The following IMMP2L variants were observed in gnomAD, a reference collection of about 807,000 sequenced individuals.
IMMP2L encodes inner mitochondrial membrane peptidase subunit 2.
Under a neutral mutation model 19.3 loss-of-function variants are expected in IMMP2L, and 18 were observed. That is an observed-to-expected ratio of 0.93 (90% CI 0.64 to 1.38). IMMP2L has a LOEUF of 1.38. Ranked by LOEUF, IMMP2L falls within the 40% of genes most tolerant of loss-of-function variation. IMMP2L has a pLI of 0.00. For synonymous variants in IMMP2L, 76 were observed against 73.0 expected (o/e 1.04, Z -0.21); for missense variants, 233 against 218.2 (o/e 1.07, Z -0.43).
intron 5 of IMMP2L, among the ~76,000 whole-genome samples, chr7:110,733,450 A>T (rs964032457): frequency 6.7e-6 from 1 of 150,240 alleles, no homozygotes; most frequent in East Asian, 1.9e-4. Context: ...AAGAGAGCCA[A>T]GGAGTGTTTT....
At chr7:110,842,920 C>T (rs1235001271) in intron 5 of IMMP2L, among the ~76,000 whole-genome samples, 2 of 152,022 alleles carry the variant, frequency 1.3e-5, no homozygotes, top group East Asian at 3.9e-4. Flanking sequence ...GCAGAGCAGG[C>T]TACCCGAATG....
At chr7:111,338,609 A>G (rs1156748160) in intron 3 of IMMP2L, among the ~76,000 whole-genome samples, 2 of 152,150 alleles carry the variant, frequency 1.3e-5, no homozygotes, top group East Asian at 1.9e-4. Context: ...AAAAGCACAC[A>G]TGAAGGAAAT....
rs1648298950 is a variant in IMMP2L at position 111,539,240 on chromosome 7, A to AAG, written c.-2-17793_-2-17792dup. Among the ~76,000 whole-genome samples the AAG allele has an allele frequency of 1.6e-5, 2 of 128,446 alleles. 1 individual carries two copies. Among genetic ancestry groups the AAG allele is most frequent in the African/African-American group, 6.1e-5 (2 of 32,832 alleles). The allele number at this position is 128,446 out of a possible 152,430, so 84.3% of individuals were successfully genotyped here. On this transcript the variant is annotated intron_variant, in intron 1 of 5. Transcript: ENST00000405709. Reference sequence around the variant, plus strand: ...AAAGAAAGAAAGAAAGAAAGAAAGAAAGAAAGAAAGAAAGAAAGAAAGAAA... The same window carrying AAG: ...AAAGAAAGAAAGAAAGAAAGAAAGAAAGAGAAAGAAAGAAAGAAAGAAAGAAA...
At chr7:110,881,907 A>C (rs1467170637) in intron 5 of IMMP2L, among the ~76,000 whole-genome samples, 1 of 152,052 alleles carries the variant, frequency 6.6e-6, no homozygotes, top group African/African-American at 2.4e-5. Context: ...ATTTCAGAAC[A>C]CTCTGTTCTA....
intron 3 of IMMP2L, among the ~76,000 whole-genome samples, chr7:111,198,231 T>C (rs1359221784): frequency 6.6e-6 from 1 of 152,200 alleles, no homozygotes; most frequent in Non-Finnish European, 1.5e-5. Flanking sequence ...ATAAACTGGC[T>C]GAAGTTTTGA....
rs146786593 is a variant in IMMP2L, at chr7:111,124,137, C to T, written c.240-160572G>A. 2.9e-5 allele frequency: 47 copies of T among 1,613,978 alleles called. No individual in the cohort carries two copies. In the African/African-American group the frequency reaches 6.1e-4, roughly 21 times the overall value. ...CTGCAGAACCACAGCCTGAAATCTA[C>T]TGGATAACACCTTCTGGTCAAAAAC... On this transcript the variant is annotated intron_variant, in intron 3 of 5. Transcript: ENST00000405709.
At chr7:111,417,756 T>G (rs1177077278) in intron 3 of IMMP2L, among the ~76,000 whole-genome samples, 7 of 151,948 alleles carry the variant, frequency 4.6e-5, no homozygotes, top group Admixed American at 1.3e-4. Flanking sequence ...CAATGCCTAG[T>G]CAAGTTTTCT....
chr7:111,020,682 A>G (rs1826190077), intron 3 of IMMP2L, among the ~76,000 whole-genome samples: 1 of 152,158 alleles, frequency 6.6e-6, no homozygotes, highest in Non-Finnish European at 1.5e-5. Flanking sequence ...GGATCACTTG[A>G]GCCCAGAAGG....
intron 5 of IMMP2L, among the ~76,000 whole-genome samples, chr7:110,765,015 T>C (rs1798571407): frequency 6.6e-6 from 1 of 152,090 alleles, no homozygotes; most frequent in African/African-American, 2.4e-5. Flanking sequence ...CAAACCTCAA[T>C]TTTTACATCT....
intron 3 of IMMP2L, among the ~76,000 whole-genome samples, chr7:111,083,733 C>A (rs996454492): frequency 6.6e-6 from 1 of 152,094 alleles, no homozygotes; most frequent in Admixed American, 6.6e-5. Context: ...GCAGGGTCTA[C>A]CAAGTTTCAG....
At chr7:111,555,771 CTGCAGTT>C (rs1791222091) in intron 1 of IMMP2L, among the ~76,000 whole-genome samples, 2 of 151,672 alleles carry the variant, frequency 1.3e-5, no homozygotes, top group South Asian at 4.2e-4. Context: ...TATATATGTA[CTGCAGTT>C]TGATTTTCTG....
intron 4 of IMMP2L, among the ~76,000 whole-genome samples, chr7:110,897,311 C>A (rs973553300): frequency 6.6e-6 from 1 of 151,962 alleles, no homozygotes; most frequent in African/African-American, 2.4e-5. Flanking sequence ...TTAAAAAAGA[C>A]AAACAATCCA....
chr7:111,498,891 G>C (rs1198713063), intron 2 of IMMP2L, among the ~76,000 whole-genome samples: 2 of 152,064 alleles, frequency 1.3e-5, no homozygotes, highest in Non-Finnish European at 2.9e-5. Flanking sequence ...TAAGAACAAA[G>C]GAGCTCAAAT....
chr7:110,911,842 A>C (rs1281930231), intron 4 of IMMP2L, among the ~76,000 whole-genome samples: 11 of 152,110 alleles, frequency 7.2e-5, no homozygotes, highest in African/African-American at 2.4e-4. Flanking sequence ...TTCCTGGAAA[A>C]TTCATGTATG....
intron 5 of IMMP2L, among the ~76,000 whole-genome samples, chr7:110,848,075 T>G (rs1397409944): frequency 6.6e-6 from 1 of 152,126 alleles, no homozygotes; most frequent in Non-Finnish European, 1.5e-5. Flanking sequence ...TTCATTAAAA[T>G]TTAAAACTTC....
At chr7:110,808,862 A>T (rs1049093468) in intron 5 of IMMP2L, among the ~76,000 whole-genome samples, 1 of 152,048 alleles carries the variant, frequency 6.6e-6, no homozygotes, top group Non-Finnish European at 1.5e-5. Context: ...GCAACAATAT[A>T]ATTAAATCTC....
In IMMP2L at chr7:111,209,384, G is replaced by A. The variant is rs184103553; in HGVS notation, c.240-245819C>T. ...TGCACTCCAGCCTCGGCGACAGAGC[G>A]AGACTCCTTCTCAAAAAAAAAAAAA... On this transcript the variant is annotated intron_variant, in intron 3 of 5. Transcript: ENST00000405709. Among the ~76,000 whole-genome samples, 794 of 127,392 alleles carry A rather than the reference G, an allele frequency of 6.2e-3. 11 individuals carry two copies. The highest frequency in any genetic ancestry group is 0.021 in the African/African-American group (720 of 33,896). 83.6% of individuals were successfully genotyped at this position (127,392 alleles called of 152,430 possible).
At chr7:110,846,470 A>G (rs374368037) in intron 5 of IMMP2L, among the ~76,000 whole-genome samples, 11 of 151,340 alleles carry the variant, frequency 7.3e-5, no homozygotes, top group African/African-American at 2.4e-4. Flanking sequence ...GGTTCAAGCA[A>G]TTCTCCTGTC....
chr7:111,267,928 A>T (rs947958549), intron 3 of IMMP2L, among the ~76,000 whole-genome samples: 1 of 152,172 alleles, frequency 6.6e-6, no homozygotes, highest in Non-Finnish European at 1.5e-5. Flanking sequence ...TTTTCAAAGA[A>T]GAAGTAGTAA....
Sources: allele counts gnomAD v4.1 joint callset (sites outside exome capture counted in the v4.1 genomes callset), GRCh38; gene constraint gnomAD v4.1.1; transcripts MANE v1.5; gene names NCBI Gene and HGNC (gene_info 2026-07-23, HGNC 2026-07-21).